Variants in ALKBH4 observed in about 807,000 individuals in gnomAD.
ALKBH4 encodes alkB homolog 4, lysine demethylase, also known as alpha-ketoglutarate-dependent dioxygenase alkB homolog 4.
Under a neutral mutation model 12.1 loss-of-function variants are expected in ALKBH4, and 8 were observed. The ratio of observed to expected loss-of-function variants is 0.66; its 90% CI spans 0.39 to 1.19. ALKBH4 has a LOEUF of 1.19. ALKBH4 is among the 50% of genes most tolerant of loss of function. ALKBH4 has a pLI of 0.01. For missense variants in ALKBH4, 403 were observed against 430.4 expected, an observed-to-expected ratio of 0.94 and a Z score of 0.56; for synonymous variants, 195 against 191.6, an observed-to-expected ratio of 1.02 and a Z score of -0.15.
chr7:102,457,233 G>T lies in ALKBH4; in HGVS notation c.*161C>A, dbSNP rs1797674144. On this transcript the variant is annotated 3_prime_UTR_variant, in exon 3 of 3. Transcript: ENST00000292566. This position sits in a 1 kb window ranked among gnomAD's most constrained non-coding sequence, Gnocchi z 5.9. ...TCCAGGTGGAAGGGGGCTGCCTGGA[G>T]GTACGTTCCCATCAAAACCTGCTCC... 9 of 775,222 alleles carry T rather than the reference G, an allele frequency of 1.2e-5. No individual in the cohort carries two copies. The East Asian group carries it at 2.5e-4, about 21-fold the overall frequency. 48.0% of individuals were successfully genotyped at this position (775,222 alleles called of 1,614,324 possible). A position where few individuals can be genotyped will look rare whatever the true frequency, so the allele number is the denominator to read the frequency against.
Position 102,457,671 on chromosome 7 carries a change from G to C in ALKBH4, c.632C>G (p.Pro211Arg), listed in dbSNP as rs752637000. ...TATCACGCTGTCCACCAAGGCCTCC[G>C]GGGCAGCCGACGGGGCCGAGCAGAG... ...LLLCSAPSAA[P>R]EALVDSVIAP... Residue 211 changes from proline to arginine, a missense_variant, in exon 3 of 3, where the codon CCG (proline) becomes CGG (arginine). Physicochemically the swap from Pro to Arg is moderately radical, Grantham distance 103. Coordinates refer to ENST00000292566, the MANE Select transcript of ALKBH4 (RefSeq NM_017621.4). The surrounding 1 kb of genome is among the most constrained non-coding windows in gnomAD (Gnocchi z 5.9). 9.6e-6 allele frequency: 15 copies of C among 1,561,674 alleles called. No individual in the cohort carries two copies. The East Asian group carries it at 2.4e-4, about 25-fold the overall frequency.
Position 102,464,796 on chromosome 7 carries a change from T to A in ALKBH4, c.41A>T (p.Glu14Val), listed in dbSNP as rs1342689404. The A allele has an allele frequency of 6.4e-7, 1 of 1,564,462 alleles. No individual in the cohort carries two copies. The highest frequency in any genetic ancestry group is 8.6e-7 in the Non-Finnish European group (1 of 1,159,872). The change falls in exon 1 of 3, where the codon GAA (glutamate) becomes GTA (valine). Residue 14 changes from glutamate to valine, a missense_variant. Physicochemically the swap from Glu to Val is moderately radical, Grantham distance 121. Transcript: ENST00000292566. ...AAAETPEVLRECGCKGIRTCL... is the reference protein window; with the variant it reads ...AAAETPEVLRVCGCKGIRTCL... Reference sequence around the variant, plus strand: ...GGTCCGGATGCCCTTGCAACCGCATTCCCGAAGGACTTCGGGGGTCTCGGC... The same window carrying A: ...GGTCCGGATGCCCTTGCAACCGCATACCCGAAGGACTTCGGGGGTCTCGGC...
At position 102,457,592 on chromosome 7, in the gene ALKBH4, G is replaced by A. The variant is rs771311388; in HGVS notation, c.711C>T (p.Pro237=). The stretch of plus-strand genomic sequence containing the variant: ...CGGTGAGGACCAGCAGGGAGCGGGC[G>A]GGTAAGGGGATGGCCACCTCCACCT... ...CQEVEVAIPL[P]ARSLLVLTGA... is the part of the protein sequence containing the mutation. The change falls in exon 3 of 3, where the codon CCC becomes CCT. Residue 237 remains proline (P), a synonymous_variant. Transcript: ENST00000292566. This position sits in a 1 kb window ranked among gnomAD's most constrained non-coding sequence, Gnocchi z 5.9. The A allele has an allele frequency of 1.8e-5, 29 of 1,604,712 alleles. No individual in the cohort carries two copies. The highest frequency in any genetic ancestry group is 2.0e-5 in the Non-Finnish European group (24 of 1,179,056).
chr7:102,464,042 C>CA (rs1386122610), intron 1 of ALKBH4, among the ~76,000 whole-genome samples: 10 of 151,926 alleles, frequency 6.6e-5, no homozygotes, highest in Non-Finnish European at 1.3e-4. Flanking sequence ...CAGACCTCCC[C>CA]CCCCCCACAA....
At chr7:102,462,401 G>C (rs535145432) in intron 1 of ALKBH4, among the ~76,000 whole-genome samples, 1 of 151,858 alleles carries the variant, frequency 6.6e-6, no homozygotes, top group Non-Finnish European at 1.5e-5. Context: ...GCAGGGTCTC[G>C]CTCTGTCACT....
At position 102,459,720 on chromosome 7, in the gene ALKBH4, G is replaced by C. The variant is rs1252157988; in HGVS notation, c.205C>G (p.Pro69Ala). 6.2e-7 allele frequency: 1 copy of C among 1,614,058 alleles called. No homozygotes were observed. Among genetic ancestry groups the C allele is most frequent in the Non-Finnish European group, 8.5e-7 (1 of 1,180,034 alleles). The change falls in exon 2 of 3, where the codon CCC (proline) becomes GCC (alanine). Residue 69 changes from proline (P) to alanine (A), a missense_variant. Physicochemically the swap from Pro to Ala is conservative, Grantham distance 27. Transcript: ENST00000292566. ...TCGATCAGCATCACTCCTGGGAAGGGGAAGGCCCAGCCCTCAAAGTCAGAC... is the reference window on the plus strand; with the variant it reads ...TCGATCAGCATCACTCCTGGGAAGGCGAAGGCCCAGCCCTCAAAGTCAGAC... ...EESDFEGWAF[P>A]FPGVMLIEDF...
chr7:102,461,943 G>A (rs1194165418), intron 1 of ALKBH4, among the ~76,000 whole-genome samples: 2 of 152,118 alleles, frequency 1.3e-5, no homozygotes, highest in African/African-American at 2.4e-5. Flanking sequence ...ACTGTGGGCC[G>A]CTGTCTTTCT....
Position 102,457,408 on chromosome 7 carries a change from C to T in ALKBH4, c.895G>A (p.Gly299Arg), listed in dbSNP as rs758173603. 5 of 1,611,344 alleles carry T rather than the reference C, an allele frequency of 3.1e-6. No homozygotes were observed. The highest frequency in any genetic ancestry group is 2.2e-5 in the East Asian group (1 of 44,792). Residue 299 changes from glycine (G) to arginine (R), a missense_variant, in exon 3 of 3, where the codon GGA (glycine) becomes AGA (arginine). Physicochemically the swap from Gly to Arg is moderately radical, Grantham distance 125. Transcript: ENST00000292566. This position sits in a 1 kb window ranked among gnomAD's most constrained non-coding sequence, Gnocchi z 5.9. ...AAGGAGGCGGTTCACACGGGTCTTC[C>T]CTGGAAGGAGAGGGCGATCCGCAGC... The part of the protein sequence containing the change: ...ELLRIALSFQ[G>R]RPV
intron 1 of ALKBH4, among the ~76,000 whole-genome samples, chr7:102,461,201 G>C (rs894924066): frequency 6.6e-6 from 1 of 152,006 alleles, no homozygotes; most frequent in East Asian, 1.9e-4. Context: ...GCCGGGCGTC[G>C]TGGTGCATGC....
At chr7:102,459,852 C>A in intron 1 of ALKBH4, 51 bp from the exon 2 acceptor site, 1 of 1,518,090 alleles carries the variant, frequency 6.6e-7, no homozygotes, top group South Asian at 1.3e-5. Context: ...GAGACCCGGT[C>A]CCTACGAAAA....
rs1466395784 is a variant in ALKBH4, at chr7:102,463,771, G to A, written c.123+943C>T. 3.3e-5 allele frequency among the ~76,000 whole-genome samples: 5 copies of A among 152,186 alleles called. 1 individual carries two copies. The South Asian group carries it at 6.2e-4, about 19-fold the overall frequency. On this transcript the variant is annotated intron_variant, in intron 1 of 2. Transcript: ENST00000292566. ...GATATATACCCAGAAGCAGGATTGC[G>A]GATCATGGGTAATTCTATGTTTAAT...
At position 102,456,701 on chromosome 7, in the gene ALKBH4, C is replaced by T. The variant is rs987656077; in HGVS notation, c.*693G>A. On this transcript the variant is annotated 3_prime_UTR_variant, in exon 3 of 3. Transcript: ENST00000292566. The stretch of plus-strand genomic sequence containing the variant: ...CTGAAGCTGTTCCCAGCTCTTTAGT[C>T]TAAACTTCAAATCTTCAACCCTGTT... 4.6e-5 allele frequency: 7 copies of T among 152,288 alleles called. No individual in the cohort carries two copies. The East Asian group carries it at 7.7e-4, about 17-fold the overall frequency. 9.4% of individuals were successfully genotyped at this position (152,288 alleles called of 1,614,324 possible).
chr7:102,463,529 CA>C (rs1351565758), intron 1 of ALKBH4, among the ~76,000 whole-genome samples: 1 of 151,398 alleles, frequency 6.6e-6, no homozygotes, highest in Non-Finnish European at 1.5e-5. Flanking sequence ...AGGGTTTCGC[CA>C]TGTTAGCCAG....
intron 2 of ALKBH4, among the ~76,000 whole-genome samples, chr7:102,458,218 G>A (rs1489112177): frequency 6.6e-6 from 1 of 152,140 alleles, no homozygotes; most frequent in Non-Finnish European, 1.5e-5. Flanking sequence ...GGGAGCTCTT[G>A]AGGCCAGGAG....
In ALKBH4 at chr7:102,457,770, T is replaced by TC; in HGVS notation, c.532dup (p.Glu178GlyfsTer99). 1.3e-6 allele frequency: 2 copies of TC among 1,593,296 alleles called. No individual in the cohort carries two copies. Among genetic ancestry groups the TC allele is most frequent in the Non-Finnish European group, 8.5e-7 (1 of 1,171,596 alleles). On this transcript the variant is annotated frameshift_variant, in exon 3 of 3. Transcript: ENST00000292566. LOFTEE classifies it low-confidence loss of function (END_TRUNC). This position sits in a 1 kb window ranked among gnomAD's most constrained non-coding sequence, Gnocchi z 5.9. Reference sequence around the variant, plus strand: ...CAGGAGGTTGAGGCTGACCAGCCGCTCCCCCCACAGCCAGGCGTCGTCCAG... The same window carrying TC: ...CAGGAGGTTGAGGCTGACCAGCCGCTCCCCCCCACAGCCAGGCGTCGTCCAG...
intron 1 of ALKBH4, among the ~76,000 whole-genome samples, chr7:102,463,726 C>A (rs1797858949): frequency 6.6e-6 from 1 of 152,196 alleles, no homozygotes; most frequent in South Asian, 2.1e-4. Context: ...CTCTTCCAGA[C>A]CCTGCTTTTA....
intron 1 of ALKBH4, among the ~76,000 whole-genome samples, chr7:102,461,197 C>T (rs530655739): frequency 1.3e-5 from 2 of 151,976 alleles, no homozygotes; most frequent in Admixed American, 1.3e-4. Flanking sequence ...ACTAGCCGGG[C>T]GTCGTGGTGC....
At chr7:102,464,456 C>G (rs1044092591) in intron 1 of ALKBH4, among the ~76,000 whole-genome samples, 6 of 152,156 alleles carry the variant, frequency 3.9e-5, no homozygotes, top group African/African-American at 7.2e-5. Flanking sequence ...GCGCCAGACC[C>G]GAGAGGCTAC....
At chr7:102,458,929 A>G (rs947467546) in intron 2 of ALKBH4, among the ~76,000 whole-genome samples, 2 of 151,830 alleles carry the variant, frequency 1.3e-5, no homozygotes, top group Admixed American at 1.3e-4. Flanking sequence ...CGGGCGGATC[A>G]CTTGTCAGGA....
Sources: gnomAD v4.1 joint callset for allele counts (sites outside exome capture counted in the v4.1 genomes callset) on GRCh38, gnomAD v4.1.1 for gene constraint, Gnocchi (gnomAD v3.1) non-coding constraint, MANE v1.5 for transcripts, NCBI Gene and HGNC (gene_info 2026-07-23, HGNC 2026-07-21) for gene names.